The following LRMDA variants were observed in gnomAD, a reference collection of about 807,000 sequenced individuals.
The protein encoded by LRMDA is leucine-rich melanocyte differentiation-associated protein.
In LRMDA, 18 loss-of-function variants were observed where a neutral mutation model predicts 29.8. The ratio of observed to expected loss-of-function variants is 0.60; its 90% confidence interval spans 0.42 to 0.90. LRMDA has a LOEUF of 0.90. Ranked by LOEUF, LRMDA falls within the 40% of genes least tolerant of loss-of-function variation. LRMDA has a pLI of 0.00. For synonymous variants in LRMDA, 125 were observed against 109.4 expected (o/e 1.14, Z -0.89); for missense variants, 273 against 273.9 (o/e 1.00, Z 0.02).
At chr10:75,979,048 T>C (rs938702320) in intron 2 of LRMDA, among the ~76,000 whole-genome samples, 17 of 152,276 alleles carry the variant, frequency 1.1e-4, no homozygotes, top group Middle Eastern at 3.4e-3. Context: ...GCATTAATAA[T>C]AGTACCCATC....
chr10:75,693,215 G>C (rs188677759), intron 2 of LRMDA, among the ~76,000 whole-genome samples: 1 of 152,154 alleles, frequency 6.6e-6, no homozygotes, highest in Non-Finnish European at 1.5e-5. Context: ...TCCTTTGAGT[G>C]GGGGGAATCG....
chr10:75,592,475 C>T lies in LRMDA; in HGVS notation c.131+153981C>T, dbSNP rs955693056. Among the ~76,000 whole-genome samples, 4 of 152,300 alleles carry T rather than the reference C, an allele frequency of 2.6e-5. No individual in the cohort carries two copies. In the East Asian group the frequency reaches 5.8e-4, roughly 22 times the overall value. ...AAGTATAGGCTTTCCTCCTCCACCG[C>T]GGAGATCTGGGACGGCAAGGCTATC... is the stretch of plus-strand genomic sequence containing the variant. On this transcript the variant is annotated intron_variant, in intron 2 of 6. Coordinates refer to ENST00000611255, the MANE Select transcript of LRMDA (RefSeq NM_001305581.2).
intron 5 of LRMDA, among the ~76,000 whole-genome samples, chr10:76,123,295 A>G (rs1313870064): frequency 6.6e-6 from 1 of 151,554 alleles, no homozygotes; most frequent in Non-Finnish European, 1.5e-5. Flanking sequence ...GATTGAGCCC[A>G]GGAGTTTGAG....
At chr10:76,461,054 G>A (rs1183394967) in intron 6 of LRMDA, among the ~76,000 whole-genome samples, 1 of 152,096 alleles carries the variant, frequency 6.6e-6, no homozygotes, top group East Asian at 1.9e-4. Context: ...AATTAAACGA[G>A]TTTGTGCTTA....
At chr10:75,915,950 A>G (rs1209755350) in intron 2 of LRMDA, among the ~76,000 whole-genome samples, 1 of 152,152 alleles carries the variant, frequency 6.6e-6, no homozygotes, top group Non-Finnish European at 1.5e-5. Flanking sequence ...CTTAGAAGAG[A>G]CAATGACATC....
chr10:76,090,122 T>C (rs913212519), intron 5 of LRMDA, among the ~76,000 whole-genome samples: 4 of 152,088 alleles, frequency 2.6e-5, no homozygotes, highest in Admixed American at 6.5e-5. Context: ...TGTGGGCTAC[T>C]GTTAAGCACC....
Position 76,363,967 on chromosome 10 carries a change from G to A in LRMDA, c.601+39482G>A, listed in dbSNP as rs188355359. On this transcript the variant is annotated intron_variant, in intron 6 of 6. Coordinates refer to ENST00000611255, the MANE Select transcript of LRMDA (RefSeq NM_001305581.2). The stretch of plus-strand genomic sequence containing the variant: ...TTGGGAAGATCACTTCACCTTTTAA[G>A]GCCCAGTTTGCTTTGTCTTAAAAAA... Among the ~76,000 whole-genome samples, 6 of 152,202 alleles carry A rather than the reference G, an allele frequency of 3.9e-5. No homozygotes were observed. In the East Asian group the frequency reaches 1.2e-3, roughly 29 times the overall value.
intron 2 of LRMDA, chr10:75,782,868 C>A: frequency 6.4e-7 from 1 of 1,573,414 alleles, no homozygotes; most frequent in Non-Finnish European, 8.6e-7. Flanking sequence ...TCCCTTGCCC[C>A]CAAAGCCGTG....
At chr10:76,507,517 T>C (rs1439193578) in intron 6 of LRMDA, among the ~76,000 whole-genome samples, 2 of 152,114 alleles carry the variant, frequency 1.3e-5, no homozygotes, top group African/African-American at 2.4e-5. Flanking sequence ...ATACTATTTG[T>C]CTGTCTGTGT....
chr10:75,587,922 A>G (rs914894784), intron 2 of LRMDA, among the ~76,000 whole-genome samples: 1 of 152,260 alleles, frequency 6.6e-6, no homozygotes, highest in Non-Finnish European at 1.5e-5. Context: ...GAAATCTTAA[A>G]GAGGCAGTGC....
chr10:75,614,110 T>C (rs1841069134), intron 2 of LRMDA, among the ~76,000 whole-genome samples: 1 of 152,218 alleles, frequency 6.6e-6, no homozygotes, highest in Non-Finnish European at 1.5e-5. Flanking sequence ...TGCCATTTTC[T>C]TGTTCACCCT....
At chr10:75,795,255 A>G (rs1052262351) in intron 2 of LRMDA, among the ~76,000 whole-genome samples, 4 of 152,064 alleles carry the variant, frequency 2.6e-5, no homozygotes, top group African/African-American at 7.2e-5. Context: ...TTAGCTGGGT[A>G]TGGTGGTGCA....
chr10:75,550,603 G>A (rs117454538), intron 2 of LRMDA, among the ~76,000 whole-genome samples: 83 of 152,022 alleles, frequency 5.5e-4, no homozygotes, highest in Non-Finnish European at 1.0e-3. Context: ...CTTTCATAAC[G>A]AGTCTGATTA....
chr10:75,906,774 A>G (rs1845766080), intron 2 of LRMDA, among the ~76,000 whole-genome samples: 1 of 152,262 alleles, frequency 6.6e-6, no homozygotes, highest in Non-Finnish European at 1.5e-5. Context: ...ATGCCGAAAC[A>G]AGGCAGTTTA....
chr10:76,494,460 G>C lies in LRMDA; in HGVS notation c.602-62749G>C, dbSNP rs532576237. 2.6e-5 allele frequency among the ~76,000 whole-genome samples: 4 copies of C among 151,450 alleles called. No homozygotes were observed. In the South Asian group the frequency reaches 6.2e-4, roughly 24 times the overall value. On this transcript the variant is annotated intron_variant, in intron 6 of 6. Coordinates refer to ENST00000611255, the MANE Select transcript of LRMDA (RefSeq NM_001305581.2). ...ATTATCCCTTAAATTTCCATAGCAT[G>C]ATGTCACCTCATTCATTCCTGATAT...
chr10:75,800,438 CT>C (rs56269028), intron 2 of LRMDA, among the ~76,000 whole-genome samples: 59 of 145,656 alleles, frequency 4.1e-4, no homozygotes, highest in African/African-American at 1.1e-3. Flanking sequence ...TAATCTTTTT[CT>C]TTTTTTTTTT....
intron 2 of LRMDA, among the ~76,000 whole-genome samples, chr10:75,672,974 TA>T (rs200473081): frequency 1.3e-5 from 2 of 149,486 alleles, no homozygotes; most frequent in East Asian, 2.0e-4. Flanking sequence ...TTTTTTTTTT[TA>T]AATCTCTAAA....
intron 2 of LRMDA, among the ~76,000 whole-genome samples, chr10:75,491,923 G>A (rs532125222): frequency 2.0e-4 from 30 of 152,306 alleles, no homozygotes; most frequent in African/African-American, 7.2e-4. Flanking sequence ...GACAAGCATA[G>A]GGTTGATATC....
intron 5 of LRMDA, among the ~76,000 whole-genome samples, chr10:76,090,176 C>T (rs1849207628): frequency 2.0e-5 from 3 of 152,128 alleles, no homozygotes; most frequent in African/African-American, 7.2e-5. Flanking sequence ...GCAGCCCCTC[C>T]GAGCAGTGAG....
Sources: gnomAD v4.1 joint callset for allele counts (sites outside exome capture counted in the v4.1 genomes callset) on GRCh38, gnomAD v4.1.1 for gene constraint, MANE v1.5 for transcripts, NCBI Gene and HGNC (gene_info 2026-07-23, HGNC 2026-07-21) for gene names.